SPEF2: variants seen among roughly 807,000 people sequenced by gnomAD.
SPEF2 encodes sperm flagellar and cilia associated 2.
SPEF2 carries 187 observed loss-of-function variants against 224.6 expected under a neutral mutation model. The observed-to-expected ratio is 0.83, with a 90% CI of 0.74 to 0.94. The LOEUF (loss-of-function observed/expected upper bound fraction) is 0.94. Among genes scored for constraint, SPEF2 ranks in the 40% least tolerant of loss-of-function variants. The pLI is 0.00. For synonymous variants in SPEF2, 715 were observed against 707.3 expected, an observed-to-expected ratio of 1.01 and a Z score of -0.17; for missense variants, 2,170 against 2,135.6, an observed-to-expected ratio of 1.02 and a Z score of -0.32.
At chr5:35,764,729 C>G (rs1016293228) in intron 26 of SPEF2, 1 of 456,172 alleles carries the variant, frequency 2.2e-6, no homozygotes, top group Non-Finnish European at 4.4e-6. Flanking sequence ...CTTTCCAAGT[C>G]CCTTCTTGGC....
chr5:35,737,101 G>A lies in SPEF2; in HGVS notation c.3064-2818G>A, dbSNP rs941948837. On this transcript the variant is annotated intron_variant, in intron 21 of 36. Transcript: ENST00000356031. ...CTTTGAAGAAATGCTTTAGAATCTT[G>A]ACCTCACTTGTTAACAATTTCTTTT... Among the ~76,000 whole-genome samples the A allele has an allele frequency of 2.0e-5, 3 of 152,018 alleles. No homozygotes were observed. The East Asian group carries it at 5.8e-4, about 29-fold the overall frequency.
intron 23 of SPEF2, among the ~76,000 whole-genome samples, chr5:35,743,957 C>T (rs990890073): frequency 6.6e-6 from 1 of 152,190 alleles, no homozygotes; most frequent in African/African-American, 2.4e-5. Context: ...AAGAAGCCAA[C>T]ATAGTAAGCA....
intron 24 of SPEF2, among the ~76,000 whole-genome samples, chr5:35,757,017 T>G (rs1363988502): frequency 1.3e-5 from 2 of 152,198 alleles, no homozygotes; most frequent in East Asian, 3.8e-4. Context: ...TCTTTTTAAA[T>G]CTAAGATTCT....
At chr5:35,710,111 TAC>T (rs1740794127) in intron 19 of SPEF2, 36 of 985,256 alleles carry the variant, frequency 3.7e-5, no homozygotes, top group Non-Finnish European at 3.7e-5. Context: ...ACAGGCAAAA[TAC>T]ACACATCCTA....
intron 2 of SPEF2, among the ~76,000 whole-genome samples, chr5:35,631,894 G>C (rs985443638): frequency 1.3e-5 from 2 of 152,198 alleles, no homozygotes; most frequent in African/African-American, 4.8e-5. Context: ...AAGTAATCTA[G>C]AGATGATTGA....
intron 8 of SPEF2, among the ~76,000 whole-genome samples, chr5:35,661,254 TTATATATATATATATATA>T (rs550178866): frequency 0.11 from 10,414 of 93,972 alleles, 736 homozygotes; most frequent in East Asian, 0.18. Context: ...TTGGTATATA[TTATATATATATATATATA>T]TATATATATA....
intron 2 of SPEF2, among the ~76,000 whole-genome samples, chr5:35,639,465 G>A (rs115016184): frequency 0.021 from 3,144 of 152,064 alleles, 53 homozygotes; most frequent in Non-Finnish European, 0.034. Flanking sequence ...CTGGTGCCAG[G>A]GCTCATGATT....
chr5:35,732,216 T>C (rs946543761), intron 21 of SPEF2, among the ~76,000 whole-genome samples: 2 of 152,180 alleles, frequency 1.3e-5, no homozygotes, highest in Non-Finnish European at 1.5e-5. Context: ...TTCAAAATAG[T>C]ATTTGACAAT....
chr5:35,648,808 G>GTTT (rs932151484), intron 5 of SPEF2, among the ~76,000 whole-genome samples: 1 of 152,072 alleles, frequency 6.6e-6, no homozygotes, highest in African/African-American at 2.4e-5. Flanking sequence ...GAGGTCAGGA[G>GTTT]TTTGAGGCCA....
intron 16 of SPEF2, chr5:35,702,329 C>A (rs1392498615): frequency 2.2e-6 from 1 of 455,940 alleles, no homozygotes; most frequent in Non-Finnish European, 4.4e-6. Flanking sequence ...GGTAAATGAT[C>A]CAGACTCAAA....
At chr5:35,618,658 T>C (rs1316696224) in intron 1 of SPEF2, among the ~76,000 whole-genome samples, 1 of 152,182 alleles carries the variant, frequency 6.6e-6, no homozygotes, top group Admixed American at 6.5e-5. Context: ...TTTTAGTAAA[T>C]TTTAAGCCCC....
In SPEF2 at chr5:35,697,726, C is replaced by A; in HGVS notation, c.2074C>A (p.Gln692Lys). 1 of 1,613,434 alleles carries A rather than the reference C, an allele frequency of 6.2e-7. No individual in the cohort carries two copies. Among genetic ancestry groups the A allele is most frequent in the Non-Finnish European group, 8.5e-7 (1 of 1,179,654 alleles). The change falls in exon 15 of 37, where the codon CAG becomes AAG. Residue 692 changes from glutamine (Q) to lysine (K), a missense_variant. By Grantham distance (53) the Gln-to-Lys change is moderately conservative. Coordinates refer to ENST00000356031, the MANE Select transcript of SPEF2 (RefSeq NM_024867.4). The part of the protein sequence containing the change: ...TRAQLGAKSE[Q>K]LLKKGKSIPD... ...TGCTCAGCTTGGTGCAAAATCAGAA[C>A]AGTTGCTGAAGAAAGGAAAGAGCAT... is the stretch of plus-strand genomic sequence containing the variant.
chr5:35,694,211 T>C, intron 12 of SPEF2, 77 bp from the exon 13 acceptor site: 1 of 1,093,882 alleles, frequency 9.1e-7, no homozygotes, highest in South Asian at 1.4e-5. Flanking sequence ...AACCTTTACT[T>C]ATAGATATAA....
chr5:35,786,381 T>C (rs1755120490), intron 30 of SPEF2, among the ~76,000 whole-genome samples: 1 of 151,954 alleles, frequency 6.6e-6, no homozygotes, highest in Admixed American at 6.6e-5. Context: ...AAGGAGAGGC[T>C]GGGCGTGGTG....
Position 35,776,250 on chromosome 5 carries a change from C to A in SPEF2, c.4079-7C>A. 6.2e-7 allele frequency: 1 copy of A among 1,600,472 alleles called. No individual in the cohort carries two copies. The highest frequency in any genetic ancestry group is 8.5e-7 in the Non-Finnish European group (1 of 1,175,426). ...GTTAAAACATTCTTATTTCTCTTTG[C>A]AAATAGAAATAGCCACGCAATTTCG... On this transcript the variant is annotated splice_region_variant and splice_polypyrimidine_tract_variant and intron_variant, in intron 28 of 36. Coordinates refer to ENST00000356031, the MANE Select transcript of SPEF2 (RefSeq NM_024867.4).
rs1741461454 is a variant in SPEF2 at position 35,712,900 on chromosome 5, A to G, written c.2914+14A>G. The G allele has an allele frequency of 6.2e-7, 1 of 1,605,298 alleles. No homozygotes were observed. The highest frequency in any genetic ancestry group is 1.7e-5 in the Admixed American group (1 of 59,440). ...TCAAAAGAAAAGGTACAGCAGATAAAAATATATATAATTACATGTAATTCT... is the reference window on the plus strand; with the variant it reads ...TCAAAAGAAAAGGTACAGCAGATAAGAATATATATAATTACATGTAATTCT... On this transcript the variant is annotated intron_variant, in intron 20 of 36. Coordinates refer to ENST00000356031, the MANE Select transcript of SPEF2 (RefSeq NM_024867.4).
intron 21 of SPEF2, among the ~76,000 whole-genome samples, chr5:35,733,813 C>T (rs780804698): frequency 6.6e-6 from 1 of 151,792 alleles, no homozygotes; most frequent in Non-Finnish European, 1.5e-5. Context: ...TGGATTGTGA[C>T]TGGTCTATGT....
chr5:35,695,625 A>G, intron 13 of SPEF2, 110 bp from the exon 14 acceptor site: 5 of 725,080 alleles, frequency 6.9e-6, no homozygotes, highest in South Asian at 2.1e-5. Context: ...CATCTCAGGC[A>G]TAGCTGGATC....
At chr5:35,813,108 A>T (rs1758639239) in intron 36 of SPEF2, among the ~76,000 whole-genome samples, 1 of 152,238 alleles carries the variant, frequency 6.6e-6, no homozygotes, top group South Asian at 2.1e-4. Context: ...ATCACAAGTT[A>T]GCTTATTCCT....
Sources: gnomAD v4.1 joint callset for allele counts (sites outside exome capture counted in the v4.1 genomes callset) on GRCh38, gnomAD v4.1.1 for gene constraint, MANE v1.5 for transcripts, NCBI Gene and HGNC (gene_info 2026-07-23, HGNC 2026-07-21) for gene names.